Variants in VIPR2 observed in about 807,000 individuals in gnomAD.
The protein encoded by VIPR2 is vasoactive intestinal polypeptide receptor 2.
VIPR2 carries 48 observed loss-of-function variants against 58.0 expected under a neutral mutation model. The observed-to-expected ratio is 0.83, with a 90% CI of 0.66 to 1.05. The LOEUF is 1.05. Among genes scored for constraint, VIPR2 ranks in the 50% least tolerant of loss-of-function variants. The pLI is 0.00. For synonymous variants in VIPR2, 243 were observed against 235.2 expected (o/e 1.03, Z -0.30); for missense variants, 534 against 558.0 (o/e 0.96, Z 0.43).
intron 9 of VIPR2, 104 bp from the exon 10 acceptor site, chr7:159,034,408 T>C: frequency 7.4e-7 from 1 of 1,347,638 alleles, no homozygotes; most frequent in Admixed American, 1.9e-5. Context: ...AGTCCCTCCC[T>C]CCTTCCCTGG....
chr7:159,117,705 G>A (rs534897664), intron 2 of VIPR2, among the ~76,000 whole-genome samples: 5 of 152,350 alleles, frequency 3.3e-5, no homozygotes, highest in African/African-American at 1.2e-4. Context: ...AGTGGCAGCT[G>A]AGGGTGGGTG....
At chr7:159,108,009 A>T (rs1795837158) in intron 3 of VIPR2, among the ~76,000 whole-genome samples, 1 of 152,216 alleles carries the variant, frequency 6.6e-6, no homozygotes, top group Non-Finnish European at 1.5e-5. Flanking sequence ...TATTTCTGGA[A>T]CACCTGGGTT....
At chr7:159,035,719 A>G (rs568450583) in intron 8 of VIPR2, 1 of 985,338 alleles carries the variant, frequency 1.0e-6, no homozygotes, top group East Asian at 1.1e-4. Context: ...CCCAATCTCA[A>G]CTATGCTGCA....
At chr7:159,122,501 G>A (rs1796491740) in intron 2 of VIPR2, among the ~76,000 whole-genome samples, 1 of 152,172 alleles carries the variant, frequency 6.6e-6, no homozygotes, top group African/African-American at 2.4e-5. Flanking sequence ...AAACAGGCCT[G>A]GCAACAAAGG....
intron 4 of VIPR2, among the ~76,000 whole-genome samples, chr7:159,092,650 CTTTTTT>C (rs60400731): frequency 2.2e-5 from 3 of 133,706 alleles, no homozygotes; most frequent in Admixed American, 7.5e-5. Flanking sequence ...CTTTTCTTTT[CTTTTTT>C]TTTTTTTTTT....
At chr7:159,133,754 T>A (rs920354667) in intron 2 of VIPR2, among the ~76,000 whole-genome samples, 1 of 152,190 alleles carries the variant, frequency 6.6e-6, no homozygotes, top group African/African-American at 2.4e-5. Flanking sequence ...ATCTATTTTA[T>A]TTGCCTAAAG....
chr7:159,049,885 G>C (rs956988168), intron 5 of VIPR2, among the ~76,000 whole-genome samples: 3 of 152,206 alleles, frequency 2.0e-5, no homozygotes, highest in Non-Finnish European at 4.4e-5. Context: ...ACATGGCCCT[G>C]ACGGCCCAGG....
intron 4 of VIPR2, among the ~76,000 whole-genome samples, chr7:159,069,763 C>T (rs1191173929): frequency 1.3e-5 from 2 of 152,148 alleles, no homozygotes; most frequent in African/African-American, 4.8e-5. Context: ...TAATGTAACC[C>T]ATACTTTTTA....
chr7:159,093,756 G>C lies in VIPR2; in HGVS notation c.357+10001C>G, dbSNP rs111793555. Among the ~76,000 whole-genome samples the C allele has an allele frequency of 0.02, 3,071 of 150,892 alleles. 115 individuals carry two copies. The highest frequency in any genetic ancestry group is 0.071 in the African/African-American group (2,928 of 41,086). On this transcript the variant is annotated intron_variant, in intron 4 of 12. Transcript: ENST00000262178. The surrounding 1 kb of genome is among the most constrained non-coding windows in gnomAD (Gnocchi z 6.7). ...GAGACCCCGCAGCGTCCCTGGGTCCGGAGATGGGAGACCCCGCAGCGTCCC... is the reference window on the plus strand; with the variant it reads ...GAGACCCCGCAGCGTCCCTGGGTCCCGAGATGGGAGACCCCGCAGCGTCCC...
In VIPR2 at chr7:159,109,824, A is replaced by G; in HGVS notation, c.247T>C (p.Tyr83His). The G allele has an allele frequency of 6.2e-7, 1 of 1,614,156 alleles. No homozygotes were observed. Among genetic ancestry groups the G allele is most frequent in the Non-Finnish European group, 8.5e-7 (1 of 1,180,018 alleles). Residue 83 changes from tyrosine to histidine, a missense_variant, in exon 3 of 13, where the codon TAC (tyrosine) becomes CAC (histidine). Transcript: ENST00000262178. Reference sequence around the variant, plus strand: ...CGACGGACAGTACCTGCTTTGCTGTAAAAATTGCTGAAGACTTTTGGGCAG... The same window carrying G: ...CGACGGACAGTACCTGCTTTGCTGTGAAAATTGCTGAAGACTTTTGGGCAG... The part of the protein sequence containing the change: ...VPCPKVFSNF[Y>H]SKAGNISKNC...
rs183458652 is a variant in VIPR2 at position 159,139,962 on chromosome 7, G to A, written c.151+2484C>T. Among the ~76,000 whole-genome samples the A allele has an allele frequency of 2.5e-3, 385 of 152,382 alleles. 3 individuals carry two copies. Among genetic ancestry groups the A allele is most frequent in the African/African-American group, 8.7e-3 (360 of 41,602 alleles). On this transcript the variant is annotated intron_variant, in intron 2 of 12. Coordinates refer to ENST00000262178, the MANE Select transcript of VIPR2 (RefSeq NM_003382.5). ...TATCGGCAAGAGAAAGCTTGTCTTA[G>A]TGATGCATCGATGTTAAGTCATACA...
Position 159,099,922 on chromosome 7 carries a change from C to T in VIPR2, c.357+3835G>A, listed in dbSNP as rs139685660. Reference sequence around the variant, plus strand: ...CAGAGGCCGCAATGTTCCCCCTCTCCCTGGCTGAGCTGGGTGCAGCCATGC... The same window carrying T: ...CAGAGGCCGCAATGTTCCCCCTCTCTCTGGCTGAGCTGGGTGCAGCCATGC... On this transcript the variant is annotated intron_variant, in intron 4 of 12. Coordinates refer to ENST00000262178, the MANE Select transcript of VIPR2 (RefSeq NM_003382.5). The surrounding 1 kb of genome is among the most constrained non-coding windows in gnomAD (Gnocchi z 4.2). 8.5e-4 allele frequency among the ~76,000 whole-genome samples: 129 copies of T among 152,292 alleles called. 3 individuals are homozygous for T. In the East Asian group the frequency reaches 0.021, roughly 24 times the overall value.
At chr7:159,090,531 A>G (rs1235414553) in intron 4 of VIPR2, among the ~76,000 whole-genome samples, 8 of 88,828 alleles carry the variant, frequency 9.0e-5, no homozygotes, top group Middle Eastern at 8.6e-3. Flanking sequence ...CGGTGACCTC[A>G]GCACAGACAC....
chr7:159,119,745 A>G (rs755605450), intron 2 of VIPR2, among the ~76,000 whole-genome samples: 18 of 152,242 alleles, frequency 1.2e-4, no homozygotes, highest in Non-Finnish European at 2.4e-4. Context: ...GGTGGGCTGA[A>G]GGCCAAGAGG....
intron 3 of VIPR2, among the ~76,000 whole-genome samples, chr7:159,105,863 GTTA>G (rs944201484): frequency 1.1e-4 from 17 of 152,226 alleles, no homozygotes; most frequent in Admixed American, 5.2e-4. Context: ...ACTCATAATA[GTTA>G]TTATAATAAT....
intron 4 of VIPR2, among the ~76,000 whole-genome samples, chr7:159,071,902 T>C (rs371108390): frequency 1.1e-4 from 13 of 115,488 alleles, no homozygotes; most frequent in Non-Finnish European, 1.6e-4. Context: ...ACGATGGTAC[T>C]GGCAGGTAAG....
At chr7:159,054,998 A>G (rs918678646) in intron 5 of VIPR2, among the ~76,000 whole-genome samples, 1 of 152,232 alleles carries the variant, frequency 6.6e-6, no homozygotes, top group African/African-American at 2.4e-5. Context: ...TAACATGTGC[A>G]TCTGTGCATG....
chr7:159,055,709 C>T (rs936238974), intron 5 of VIPR2, among the ~76,000 whole-genome samples: 4 of 152,160 alleles, frequency 2.6e-5, no homozygotes, highest in African/African-American at 4.8e-5. Flanking sequence ...CTCTCTCTTC[C>T]ACCCCCTGTG....
chr7:159,105,731 G>A (rs1205722618), intron 3 of VIPR2, among the ~76,000 whole-genome samples: 1 of 152,186 alleles, frequency 6.6e-6, no homozygotes, highest in Non-Finnish European at 1.5e-5. Flanking sequence ...ACACGGTAGA[G>A]GCAAAACAGA....
Sources: gnomAD v4.1 joint callset for allele counts (sites outside exome capture counted in the v4.1 genomes callset) on GRCh38, gnomAD v4.1.1 for gene constraint, Gnocchi (gnomAD v3.1) non-coding constraint, MANE v1.5 for transcripts, NCBI Gene and HGNC (gene_info 2026-07-23, HGNC 2026-07-21) for gene names.